SPECC1: variants seen among roughly 807,000 people sequenced by gnomAD.
The protein encoded by SPECC1 is cytospin-B.
A neutral mutation model predicts 104.1 loss-of-function variants in SPECC1; 62 were observed. That is an observed-to-expected ratio of 0.60 (90% confidence interval 0.49 to 0.74). The LOEUF is 0.74. Ranked by LOEUF, SPECC1 falls within the 30% of genes least tolerant of loss-of-function variation. The pLI is 0.00. For synonymous variants in SPECC1, 513 were observed against 501.6 expected (o/e 1.02, Z -0.30); for missense variants, 1,306 against 1,310.5 (o/e 1.00, Z 0.05).
At chr17:20,187,516 G>A (rs747799853) in intron 3 of SPECC1, among the ~76,000 whole-genome samples, 2 of 152,192 alleles carry the variant, frequency 1.3e-5, no homozygotes, top group Non-Finnish European at 2.9e-5. Context: ...ATGAGGGCAG[G>A]CAGCTTATTG....
intron 12 of SPECC1, among the ~76,000 whole-genome samples, chr17:20,262,893 G>A (rs188815390): frequency 9.4e-4 from 143 of 152,072 alleles, no homozygotes; most frequent in African/African-American, 3.2e-3. Context: ...AAAAAGAATC[G>A]CAGCACTTTG....
At chr17:20,067,877 C>T (rs568021064) in intron 1 of SPECC1, among the ~76,000 whole-genome samples, 6 of 152,326 alleles carry the variant, frequency 3.9e-5, no homozygotes, top group Admixed American at 3.9e-4. Context: ...TCGCTCCTTC[C>T]CTCATCCTGT....
chr17:20,265,792 GT>G (rs1482366021), intron 12 of SPECC1, among the ~76,000 whole-genome samples: 2 of 152,208 alleles, frequency 1.3e-5, no homozygotes, highest in African/African-American at 2.4e-5. Context: ...TAGAGGTCTA[GT>G]TTCTATCTTC....
intron 1 of SPECC1, among the ~76,000 whole-genome samples, chr17:20,069,033 G>C (rs2046455493): frequency 6.6e-6 from 1 of 152,154 alleles, no homozygotes; most frequent in South Asian, 2.1e-4. Flanking sequence ...TCATGTCACA[G>C]GGGTTTGTTA....
chr17:20,016,510 G>A (rs2044133229), intron 1 of SPECC1, among the ~76,000 whole-genome samples: 1 of 152,200 alleles, frequency 6.6e-6, no homozygotes, highest in African/African-American at 2.4e-5. Context: ...GTGCTTGCGG[G>A]CCAGCGTGAG....
intron 12 of SPECC1, among the ~76,000 whole-genome samples, chr17:20,280,144 A>G (rs1420369544): frequency 1.3e-5 from 2 of 152,226 alleles, no homozygotes; most frequent in Non-Finnish European, 2.9e-5. Context: ...AAAACTGGAA[A>G]CAACCTAAAC....
At chr17:20,254,177 ATTTG>A (rs2039739413) in intron 10 of SPECC1, among the ~76,000 whole-genome samples, 2 of 70,534 alleles carry the variant, frequency 2.8e-5, no homozygotes, top group South Asian at 5.1e-4. Context: ...GTGTGTGTGT[ATTTG>A]TTTTTTGTTT....
chr17:20,298,015 G>A (rs1000761908), intron 13 of SPECC1, among the ~76,000 whole-genome samples: 2 of 152,194 alleles, frequency 1.3e-5, no homozygotes, highest in African/African-American at 4.8e-5. Context: ...ACAGAGTGAC[G>A]GGGATCACAT....
At chr17:20,016,046 TAA>T (rs535526541) in intron 1 of SPECC1, among the ~76,000 whole-genome samples, 1 of 144,990 alleles carries the variant, frequency 6.9e-6, no homozygotes, top group African/African-American at 2.5e-5. Context: ...CCGCTTCTAC[TAA>T]AAAAAAAATA....
At chr17:20,255,883 CTTT>C (rs554972995) in intron 10 of SPECC1, among the ~76,000 whole-genome samples, 2 of 141,932 alleles carry the variant, frequency 1.4e-5, no homozygotes, top group African/African-American at 5.2e-5. Context: ...AGAAACCATT[CTTT>C]TTTTTTTTTG....
At chr17:20,182,119 C>CTTTTTTTTTTTTTTT (rs57991209) in intron 3 of SPECC1, among the ~76,000 whole-genome samples, 10 of 136,580 alleles carry the variant, frequency 7.3e-5, no homozygotes, top group Middle Eastern at 3.8e-3. Context: ...CTTTCTTTTT[C>CTTTTTTTTTTTTTTT]TTTTTTTTTT....
At chr17:20,083,589 A>G (rs1360257912) in intron 1 of SPECC1, among the ~76,000 whole-genome samples, 1 of 151,978 alleles carries the variant, frequency 6.6e-6, no homozygotes, top group Non-Finnish European at 1.5e-5. Flanking sequence ...CATTCTTTCT[A>G]TTGCTGAGTA....
intron 1 of SPECC1, among the ~76,000 whole-genome samples, chr17:20,050,312 A>C (rs972775814): frequency 6.6e-6 from 1 of 152,132 alleles, no homozygotes; most frequent in African/African-American, 2.4e-5. Flanking sequence ...CCTGATGCCT[A>C]TCCTGCTGTC....
chr17:20,042,451 G>C (rs2045368786), intron 1 of SPECC1, among the ~76,000 whole-genome samples: 1 of 152,190 alleles, frequency 6.6e-6, no homozygotes, highest in Non-Finnish European at 1.5e-5. Flanking sequence ...CCAGCAGGGA[G>C]GGCCTCATCA....
chr17:20,093,452 G>A (rs1207203473), intron 1 of SPECC1, among the ~76,000 whole-genome samples: 1 of 152,200 alleles, frequency 6.6e-6, no homozygotes, highest in African/African-American at 2.4e-5. Flanking sequence ...TTTACATAGA[G>A]CATTTAGCAG....
At chr17:20,031,363 A>G (rs1292766401) in intron 1 of SPECC1, among the ~76,000 whole-genome samples, 1 of 152,048 alleles carries the variant, frequency 6.6e-6, no homozygotes, top group Non-Finnish European at 1.5e-5. Context: ...CTTATTGCCC[A>G]GGCTAGAGTG....
chr17:20,014,849 G>T (rs761641204), intron 1 of SPECC1, among the ~76,000 whole-genome samples: 11 of 151,998 alleles, frequency 7.2e-5, no homozygotes, highest in Non-Finnish European at 1.3e-4. Context: ...CCACCTCCTG[G>T]TTTCAAGTGA....
intron 1 of SPECC1, among the ~76,000 whole-genome samples, chr17:20,023,943 G>A (rs1166776827): frequency 6.6e-6 from 1 of 152,176 alleles, no homozygotes; most frequent in Non-Finnish European, 1.5e-5. Context: ...GCCCGTAGAT[G>A]TAAACTATAG....
At chr17:20,159,066 TC>T (rs2032889841) in intron 3 of SPECC1, among the ~76,000 whole-genome samples, 1 of 152,010 alleles carries the variant, frequency 6.6e-6, no homozygotes, top group Admixed American at 6.6e-5. Flanking sequence ...AAAGCGATCC[TC>T]CCGAGTAGCT....
Sources: gnomAD v4.1 joint callset for allele counts (sites outside exome capture counted in the v4.1 genomes callset) on GRCh38, gnomAD v4.1.1 for gene constraint, MANE v1.5 for transcripts, NCBI Gene and HGNC (gene_info 2026-07-23, HGNC 2026-07-21) for gene names.